Variants in COL23A1 observed in about 807,000 individuals in gnomAD.
COL23A1 encodes collagen alpha-1(XXIII) chain.
Under a neutral mutation model 99.3 loss-of-function variants are expected in COL23A1, and 97 were observed. That is an observed-to-expected ratio of 0.98 (90% CI 0.83 to 1.16). The LOEUF (loss-of-function observed/expected upper bound fraction) is 1.16. Ranked by LOEUF, COL23A1 falls within the 50% of genes most tolerant of loss-of-function variation. COL23A1 has a pLI of 0.00. For missense variants in COL23A1, 762 were observed against 757.4 expected, an observed-to-expected ratio of 1.01 and a Z score of -0.07; for synonymous variants, 320 against 308.2, an observed-to-expected ratio of 1.04 and a Z score of -0.40.
intron 11 of COL23A1, 88 bp from the exon 12 acceptor site, chr5:178,259,835 G>C: frequency 1.2e-5 from 16 of 1,305,162 alleles, no homozygotes; most frequent in Non-Finnish European, 1.7e-5. Context: ...TCGGGTAGAA[G>C]TGGCACTGAT....
chr5:178,334,386 A>G (rs745599417), intron 2 of COL23A1, among the ~76,000 whole-genome samples: 2 of 152,156 alleles, frequency 1.3e-5, no homozygotes, highest in Non-Finnish European at 2.9e-5. Flanking sequence ...GAAAGAAATG[A>G]TTTCCGTTTG....
chr5:178,261,523 C>G (rs576758075), intron 11 of COL23A1, among the ~76,000 whole-genome samples, 199 bp downstream of exon 11: 1 of 152,312 alleles, frequency 6.6e-6, no homozygotes, highest in Admixed American at 6.5e-5. Flanking sequence ...GAAAGGTTTA[C>G]TGTGCCTCCA....
chr5:178,409,547 T>G (rs946764515), intron 2 of COL23A1, among the ~76,000 whole-genome samples: 3 of 152,182 alleles, frequency 2.0e-5, no homozygotes, highest in African/African-American at 7.2e-5. Context: ...CTGGTTTTGA[T>G]AGTGTACCAG....
intron 16 of COL23A1, 122 bp from the exon 17 acceptor site, chr5:178,252,719 T>C: frequency 1.3e-6 from 1 of 786,916 alleles, no homozygotes; most frequent in South Asian, 1.8e-5. Context: ...GGCAGGGTCC[T>C]TGGGGACTGC....
At chr5:178,555,658 A>C (rs755401087) in intron 2 of COL23A1, among the ~76,000 whole-genome samples, 22 of 152,188 alleles carry the variant, frequency 1.4e-4, no homozygotes, top group Admixed American at 2.0e-4. Context: ...AGAGTGAGTG[A>C]ATGCAAGGGC....
intron 2 of COL23A1, among the ~76,000 whole-genome samples, chr5:178,490,469 TG>T (rs1430880618): frequency 4.6e-5 from 7 of 152,228 alleles, no homozygotes; most frequent in Admixed American, 4.6e-4. Flanking sequence ...TTGCGTTTAA[TG>T]GGTACAGAGT....
At chr5:178,256,982 G>A in intron 13 of COL23A1, 54 bp from the exon 14 acceptor site, 5 of 1,558,490 alleles carry the variant, frequency 3.2e-6, no homozygotes, top group Non-Finnish European at 4.4e-6. Flanking sequence ...CGTGGCGGGT[G>A]CCTTGGAGGG....
At chr5:178,253,363 C>A (rs1025884039) in intron 16 of COL23A1, among the ~76,000 whole-genome samples, 1 of 151,992 alleles carries the variant, frequency 6.6e-6, no homozygotes, top group East Asian at 1.9e-4. Flanking sequence ...CTACCCTCCC[C>A]CAGGCCCAGG....
At chr5:178,245,464 C>T (rs1764635255) in intron 25 of COL23A1, among the ~76,000 whole-genome samples, 2 of 151,526 alleles carry the variant, frequency 1.3e-5, no homozygotes, top group Admixed American at 6.6e-5. Flanking sequence ...TCCATCCACC[C>T]ACCCATCCAT....
At chr5:178,305,761 G>T (rs1441065605) in intron 3 of COL23A1, among the ~76,000 whole-genome samples, 3 of 152,140 alleles carry the variant, frequency 2.0e-5, no homozygotes, top group African/African-American at 4.8e-5. Context: ...GGCGTGGGGG[G>T]TGATGAGAGC....
intron 27 of COL23A1, among the ~76,000 whole-genome samples, chr5:178,241,277 C>T (rs1764382957): frequency 6.6e-6 from 1 of 152,036 alleles, no homozygotes; most frequent in African/African-American, 2.4e-5. Context: ...GCACCAGTGC[C>T]TGAAACCACT....
intron 2 of COL23A1, among the ~76,000 whole-genome samples, chr5:178,511,581 G>A (rs1484762800): frequency 6.6e-6 from 1 of 152,230 alleles, no homozygotes; most frequent in Admixed American, 6.5e-5. Context: ...TTCAATCCCA[G>A]TTCCCGGAGT....
intron 2 of COL23A1, among the ~76,000 whole-genome samples, chr5:178,374,274 A>G (rs1487344754): frequency 6.6e-6 from 1 of 151,956 alleles, no homozygotes; most frequent in Admixed American, 6.6e-5. Flanking sequence ...CAACCCTTCT[A>G]TCCCTGAGGT....
rs1280886842 is a variant in COL23A1 at position 178,434,055 on chromosome 5, C to T, written c.361+126627G>A. 6.6e-6 allele frequency among the ~76,000 whole-genome samples: 1 copy of T among 152,306 alleles called. No individual in the cohort carries two copies. The highest frequency in any genetic ancestry group is 1.9e-4 in the East Asian group (1 of 5,182). On this transcript the variant is annotated intron_variant, in intron 2 of 28. Transcript: ENST00000390654. The surrounding 1 kb of genome is among the most constrained non-coding windows in gnomAD (Gnocchi z 4.3). Reference sequence around the variant, plus strand: ...GATCTCAGAGCTCCAGCCTCCGGGCCTGAGAAAATAAATGTCCATTGTTGA... The same window carrying T: ...GATCTCAGAGCTCCAGCCTCCGGGCTTGAGAAAATAAATGTCCATTGTTGA...
chr5:178,585,341 C>T (rs966597954), intron 1 of COL23A1, among the ~76,000 whole-genome samples: 3 of 150,912 alleles, frequency 2.0e-5, no homozygotes, highest in Non-Finnish European at 3.0e-5. Flanking sequence ...CCCCGGCTGA[C>T]GCTCAGGTAA....
At chr5:178,481,570 T>C (rs1196141276) in intron 2 of COL23A1, among the ~76,000 whole-genome samples, 1 of 152,040 alleles carries the variant, frequency 6.6e-6, no homozygotes, top group East Asian at 1.9e-4. Flanking sequence ...AGAGCTTAAA[T>C]AGACATTTAT....
intron 1 of COL23A1, among the ~76,000 whole-genome samples, chr5:178,568,054 A>G (rs1476324158): frequency 1.3e-5 from 2 of 152,236 alleles, no homozygotes; most frequent in Non-Finnish European, 2.9e-5. Flanking sequence ...TGCTGGCCCC[A>G]TGGGCCCCCG....
intron 3 of COL23A1, among the ~76,000 whole-genome samples, chr5:178,301,192 C>T (rs1008706847): frequency 1.3e-5 from 2 of 152,140 alleles, no homozygotes; most frequent in Admixed American, 6.5e-5. Context: ...TTTCTTCTGT[C>T]GGCCCAAATC....
rs562592796 is a variant in COL23A1, at chr5:178,302,570, A to G, written c.406+4305T>C. On this transcript the variant is annotated intron_variant, in intron 3 of 28. Coordinates refer to ENST00000390654, the MANE Select transcript of COL23A1 (RefSeq NM_173465.4). The stretch of plus-strand genomic sequence containing the variant: ...TTCCTGCTTGAACAATCTCAAGGTC[A>G]GCCAGAGGTGAGAGACTGGGGCTCC... Among the ~76,000 whole-genome samples the G allele has an allele frequency of 9.6e-4, 146 of 152,366 alleles. 1 individual carries two copies. Among genetic ancestry groups the G allele is most frequent in the African/African-American group, 3.4e-3 (142 of 41,592 alleles).
Sources: gnomAD v4.1 joint callset for allele counts (sites outside exome capture counted in the v4.1 genomes callset) on GRCh38, gnomAD v4.1.1 for gene constraint, Gnocchi (gnomAD v3.1) non-coding constraint, MANE v1.5 for transcripts, NCBI Gene and HGNC (gene_info 2026-07-23, HGNC 2026-07-21) for gene names.